Variants in CAST observed in about 807,000 individuals in gnomAD.
The protein encoded by CAST is MIR583 host.
A neutral mutation model predicts 119.6 loss-of-function variants in CAST; 76 were observed. The observed-to-expected ratio is 0.64, with a 90% CI of 0.53 to 0.77. The LOEUF (loss-of-function observed/expected upper bound fraction) is 0.77. CAST is among the 30% of genes least tolerant of loss of function. The pLI is 0.00. For missense variants in CAST, 953 were observed against 946.5 expected (o/e 1.01, Z -0.09); for synonymous variants, 319 against 331.6 (o/e 0.96, Z 0.41).
chr5:96,534,722 A>AAGGAAGGAAGGAAGGAAGGAAGGAAG lies in CAST; in HGVS notation c.60+4842_60+4843insAGGAAGGAAGGAAGGAAGGAAGGAAG, dbSNP rs1416482525. Among the ~76,000 whole-genome samples, 3 of 14,992 alleles carry AAGGAAGGAAGGAAGGAAGGAAGGAAG rather than the reference A, an allele frequency of 2.0e-4. 1 individual carries two copies. Among genetic ancestry groups the AAGGAAGGAAGGAAGGAAGGAAGGAAG allele is most frequent in the Non-Finnish European group, 2.6e-4 (2 of 7,580 alleles). The allele number at this position is 14,992 out of a possible 152,430, so 9.8% of individuals were successfully genotyped here. A position where few individuals can be genotyped will look rare whatever the true frequency, so the allele number is the denominator to read the frequency against. On this transcript the variant is annotated intron_variant, in intron 1 of 11. Transcript: ENST00000505143. ...AGGAAGGAAGGAAGGAAGGAGAGAG[A>AAGGAAGGAAGGAAGGAAGGAAGGAAG]GAGAGAGAGAGAGAGAGAGAAAGAA...
chr5:96,263,546 G>A, the CAST span, among the ~76,000 whole-genome samples: 1 of 151,448 alleles, frequency 6.6e-6, no homozygotes, highest in Non-Finnish European at 1.5e-5. Context: ...TCTGCCACAG[G>A]GGCACAAAGA....
the CAST span, among the ~76,000 whole-genome samples, chr5:96,283,325 A>G: frequency 1.4e-4 from 21 of 152,114 alleles, no homozygotes; most frequent in Admixed American, 9.2e-4. Context: ...AATAATATTT[A>G]TCTAAAATAG....
At chr5:96,076,088 C>G in the CAST span, among the ~76,000 whole-genome samples, 1 of 152,150 alleles carries the variant, frequency 6.6e-6, no homozygotes, top group African/African-American at 2.4e-5. Flanking sequence ...TCCTGGACAA[C>G]CACGCCCTAG....
At chr5:96,244,269 G>C in the CAST span, among the ~76,000 whole-genome samples, 2 of 152,094 alleles carry the variant, frequency 1.3e-5, no homozygotes, top group African/African-American at 4.8e-5. Context: ...GATAAATAAA[G>C]AGAAGATTTC....
At chr5:96,419,735 A>G in the CAST span, among the ~76,000 whole-genome samples, 3,731 of 151,936 alleles carry the variant, frequency 0.025, 151 homozygotes, top group African/African-American at 0.086. Flanking sequence ...CTGCTTCCCT[A>G]GGGCCTTTGC....
At chr5:96,082,194 G>A in the CAST span, among the ~76,000 whole-genome samples, 1 of 152,164 alleles carries the variant, frequency 6.6e-6, no homozygotes, top group Non-Finnish European at 1.5e-5. Context: ...TTACAGGTGT[G>A]AGCCACCACA....
the CAST span, chr5:96,408,154 A>T: frequency 8.8e-7 from 1 of 1,137,996 alleles, no homozygotes; most frequent in South Asian, 1.3e-5. Flanking sequence ...GTATTCAGAA[A>T]AAAAAGTGTT....
intron 1 of CAST, among the ~76,000 whole-genome samples, chr5:96,668,179 C>G (rs1749588780): frequency 6.6e-6 from 1 of 151,832 alleles, no homozygotes; most frequent in African/African-American, 2.4e-5. Context: ...CACACCCTTT[C>G]AACATGTTTT....
the CAST span, among the ~76,000 whole-genome samples, chr5:96,306,492 T>C: frequency 1.3e-5 from 2 of 152,108 alleles, no homozygotes; most frequent in Non-Finnish European, 2.9e-5. Flanking sequence ...TTCTGTTTGC[T>C]TTTGAGTTTG....
At chr5:95,991,497 G>GTTTTTT in the CAST span, among the ~76,000 whole-genome samples, 222 of 64,934 alleles carry the variant, frequency 3.4e-3, no homozygotes, top group Non-Finnish European at 4.9e-3. Flanking sequence ...AACAAGTTTT[G>GTTTTTT]TTTTTTTTTT....
intron 11 of CAST, 136 bp from the exon 12 acceptor site, chr5:96,739,902 G>T: frequency 1.7e-6 from 1 of 582,696 alleles, no homozygotes; most frequent in Non-Finnish European, 3.1e-6. Flanking sequence ...TAAAGTGTTG[G>T]CTTCTTAATG....
intron 21 of CAST, 77 bp downstream of exon 21, chr5:96,754,238 G>A: frequency 1.1e-6 from 1 of 929,230 alleles, no homozygotes; most frequent in Non-Finnish European, 1.8e-6. Flanking sequence ...TTAGTCATTT[G>A]TTTTGTTTTT....
chr5:96,669,442 A>C (rs1369736885), intron 1 of CAST, among the ~76,000 whole-genome samples: 5 of 152,142 alleles, frequency 3.3e-5, no homozygotes, highest in Admixed American at 1.3e-4. Context: ...TCAATCAAGA[A>C]TTCTTTGTTA....
chr5:96,432,854 A>G, the CAST span: 1 of 1,612,392 alleles, frequency 6.2e-7, no homozygotes, highest in Non-Finnish European at 8.5e-7. Flanking sequence ...TGAAAGTGGA[A>G]ACTCTTACCT....
the CAST span, among the ~76,000 whole-genome samples, chr5:96,460,529 G>T: frequency 1.3e-5 from 2 of 149,570 alleles, no homozygotes; most frequent in African/African-American, 4.9e-5. Context: ...ATGTGTCCCA[G>T]AACTTAAAGT....
At chr5:96,334,465 A>T in the CAST span, among the ~76,000 whole-genome samples, 1 of 152,140 alleles carries the variant, frequency 6.6e-6, no homozygotes, top group East Asian at 1.9e-4. Context: ...CACATCTATA[A>T]GCCACACCAT....
the CAST span, among the ~76,000 whole-genome samples, chr5:96,366,942 T>C: frequency 6.6e-6 from 1 of 152,220 alleles, no homozygotes; most frequent in Admixed American, 6.5e-5. Flanking sequence ...CTCTGTTTTT[T>C]CCCCATCTTT....
the CAST span, among the ~76,000 whole-genome samples, chr5:96,076,047 T>G: frequency 6.6e-6 from 1 of 152,216 alleles, no homozygotes; most frequent in African/African-American, 2.4e-5. Context: ...CTAGAGTGAA[T>G]GTCCAGGGTC....
At chr5:96,226,059 A>G in the CAST span, among the ~76,000 whole-genome samples, 312 of 152,300 alleles carry the variant, frequency 2.0e-3, 1 homozygote, top group African/African-American at 7.0e-3. Flanking sequence ...ATATGTCCCC[A>G]CCTTGCACTT....
Sources: gnomAD v4.1 joint callset for allele counts (sites outside exome capture counted in the v4.1 genomes callset) on GRCh38, gnomAD v4.1.1 for gene constraint, MANE v1.5 for transcripts, NCBI Gene and HGNC (gene_info 2026-07-23, HGNC 2026-07-21) for gene names.